Variants in MYO1F observed in about 807,000 individuals in gnomAD.
MYO1F encodes the protein myosin IF.
Under a neutral mutation model 146.6 loss-of-function variants are expected in MYO1F, and 60 were observed. The ratio of observed to expected loss-of-function variants is 0.41; its 90% CI spans 0.33 to 0.51. The LOEUF (loss-of-function observed/expected upper bound fraction) is 0.51, where lower values mean the gene tolerates loss of function less well. Ranked by LOEUF, MYO1F falls within the 20% of genes least tolerant of loss-of-function variation. The pLI is 0.25. For synonymous variants in MYO1F, 602 were observed against 602.1 expected, an observed-to-expected ratio of 1.00 and a Z score of 0.00; for missense variants, 1,274 against 1,534.3, an observed-to-expected ratio of 0.83 and a Z score of 2.83.
rs774610076 is a variant in MYO1F, at chr19:8,527,424, T to C, written c.2388A>G (p.Lys796=). Residue 796 remains lysine (K), a synonymous_variant, in exon 22 of 28, where the codon AAA becomes AAG. Transcript: ENST00000644032. ...GGCCCTTCTCAGGTCCCTTCTTCAC[T>C]TTCTCTCGCCCAATCACATACACAC... The part of the protein sequence containing the change: ...PKCVYVIGRE[K]VKKGPEKGQV... 2 of 1,614,046 alleles carry C rather than the reference T, an allele frequency of 1.2e-6. No homozygotes were observed. The highest frequency in any genetic ancestry group is 1.7e-6 in the Non-Finnish European group (2 of 1,179,994).
intron 1 of MYO1F, among the ~76,000 whole-genome samples, chr19:8,570,378 T>G (rs1416159621): frequency 1.3e-5 from 2 of 151,452 alleles, no homozygotes; most frequent in Non-Finnish European, 2.9e-5. Flanking sequence ...CCACATTTTT[T>G]TTTTTATTTG....
chr19:8,525,241 G>T, intron 25 of MYO1F: 1 of 510,328 alleles, frequency 2.0e-6, no homozygotes, highest in African/African-American at 1.9e-5. Flanking sequence ...TTACAGGGCA[G>T]GAGTGTAGGG....
At chr19:8,525,458 G>T in intron 25 of MYO1F, 21 bp downstream of exon 25, 2 of 1,605,708 alleles carry the variant, frequency 1.2e-6, no homozygotes, top group Non-Finnish European at 1.7e-6. Context: ...AGGGAATATA[G>T]CAAGGGACGC....
intron 1 of MYO1F, among the ~76,000 whole-genome samples, chr19:8,574,769 T>A (rs1555733371): frequency 6.6e-6 from 1 of 150,624 alleles, no homozygotes; most frequent in African/African-American, 2.4e-5. Flanking sequence ...CTTTCTTTTT[T>A]TTTTGAGATG....
intron 1 of MYO1F, among the ~76,000 whole-genome samples, chr19:8,561,445 TTC>T (rs1974116271): frequency 8.8e-6 from 1 of 113,022 alleles, no homozygotes; most frequent in Admixed American, 1.0e-4. Context: ...CCTCCCTTCC[TTC>T]CTCCCTCTCT....
chr19:8,530,683 CCA>C lies in MYO1F; in HGVS notation c.2044-112_2044-111del. 1.9e-5 allele frequency: 16 copies of C among 844,760 alleles called. No homozygotes were observed. In the Middle Eastern group the frequency reaches 2.7e-3, roughly 140 times the overall value. 52.3% of individuals were successfully genotyped at this position (844,760 alleles called of 1,614,324 possible). ...CTCACACGCTTTTGCTCACCCATCC[CCA>C]CACATGTGCTAATTTTTTTAAGAGG... On this transcript the variant is annotated intron_variant, in intron 19 of 27. Coordinates refer to ENST00000644032, the MANE Select transcript of MYO1F (RefSeq NM_012335.4). The surrounding 1 kb of genome is among the most constrained non-coding windows in gnomAD (Gnocchi z 5.8).
intron 12 of MYO1F, among the ~76,000 whole-genome samples, chr19:8,547,536 G>A (rs186530109): frequency 1.8e-4 from 27 of 151,126 alleles, no homozygotes; most frequent in East Asian, 1.6e-3. Context: ...CTCTGGAGGC[G>A]GAGGTTGCAG....
intron 14 of MYO1F, chr19:8,544,077 C>CAAGTCTCT (rs966059274): frequency 4.5e-6 from 2 of 447,190 alleles, no homozygotes; most frequent in Non-Finnish European, 7.9e-6. Context: ...GGTGTCCAGA[C>CAAGTCTCT]AAGTTTGGGG....
At chr19:8,532,456 T>C (rs967303510) in intron 19 of MYO1F, among the ~76,000 whole-genome samples, 3 of 152,124 alleles carry the variant, frequency 2.0e-5, no homozygotes, top group African/African-American at 7.2e-5. Context: ...TGTAAATCTA[T>C]AGTAATAAAA....
chr19:8,548,758 G>T (rs180905554), intron 10 of MYO1F, among the ~76,000 whole-genome samples: 3 of 151,520 alleles, frequency 2.0e-5, no homozygotes, highest in African/African-American at 7.3e-5. Context: ...CTGCCACCAC[G>T]CCCGGCTAAT....
At chr19:8,549,914 C>T in intron 10 of MYO1F, 1 of 587,072 alleles carries the variant, frequency 1.7e-6, no homozygotes, top group Non-Finnish European at 3.1e-6. Flanking sequence ...GATCCCCCAA[C>T]CTCAGCCCTC....
At chr19:8,541,863 T>C (rs1568346592) in intron 15 of MYO1F, 43 bp downstream of exon 15, 1 of 1,551,822 alleles carries the variant, frequency 6.4e-7, no homozygotes, top group African/African-American at 1.4e-5. Context: ...TCCATCCCCT[T>C]GGGGGGTTGT....
chr19:8,522,322 G>A lies in MYO1F; in HGVS notation c.3220+55C>T, dbSNP rs1409419668. On this transcript the variant is annotated intron_variant, in intron 27 of 27. Transcript: ENST00000644032. ...CAGGCGTGAGCCACCGCGCCCGGCC[G>A]ATGTCAGGGTTCTTACCACTCCCCT... 8 of 1,609,578 alleles carry A rather than the reference G, an allele frequency of 5.0e-6. No homozygotes were observed. The Admixed American group carries it at 5.0e-5, about 10-fold the overall frequency.
In MYO1F at chr19:8,525,562, T is replaced by C. The variant is rs1972231594; in HGVS notation, c.2771A>G (p.Lys924Arg). Residue 924 changes from lysine (K) to arginine (R), a missense_variant and splice_region_variant, in exon 25 of 28, where the codon AAG becomes AGG. Lys to Arg is a conservative substitution (Grantham distance 26, BLOSUM62 2). Transcript: ENST00000644032. ...SVGDGLPKSSKPTRKGMAKGK... is the reference protein window; with the variant it reads ...SVGDGLPKSSRPTRKGMAKGK... ...CTTGGCCATTCCCTTCCGCGTAGGC[T>C]CTGAAAGAAGAGTGTCAGGGAGTTG... 1 of 1,612,962 alleles carries C rather than the reference T, an allele frequency of 6.2e-7. No homozygotes were observed. Among genetic ancestry groups the C allele is most frequent in the Non-Finnish European group, 8.5e-7 (1 of 1,179,716 alleles).
chr19:8,553,162 G>T lies in MYO1F; in HGVS notation c.481C>A (p.Arg161Ser). Residue 161 changes from arginine (R) to serine (S), a missense_variant, in exon 6 of 28, where the codon CGC becomes AGC. Physicochemically the swap from Arg to Ser is moderately radical, Grantham distance 110. This residue lies in a region of MYO1F where 900 missense variants were observed against 1,155.1 expected (regional missense o/e 0.78). Coordinates refer to ENST00000644032, the MANE Select transcript of MYO1F (RefSeq NM_012335.4). ...ACAAAGCGGCTGGAATTGTTGTTGC[G>T]CACAGTCTTGGCGTTGCCGAAGGCC... ...LEAFGNAKTV[R>S]NNNSSRFGKY... 1 of 1,614,148 alleles carries T rather than the reference G, an allele frequency of 6.2e-7. No individual in the cohort carries two copies. The highest frequency in any genetic ancestry group is 8.5e-7 in the Non-Finnish European group (1 of 1,180,030).
intron 22 of MYO1F, 58 bp from the exon 23 acceptor site, chr19:8,526,993 GAGAC>G: frequency 6.2e-7 from 1 of 1,601,204 alleles, no homozygotes; most frequent in Non-Finnish European, 8.5e-7. Context: ...ACAGGTGAGA[GAGAC>G]AGATGAAGGT....
chr19:8,540,159 G>A, intron 15 of MYO1F, 131 bp from the exon 16 acceptor site: 1 of 675,634 alleles, frequency 1.5e-6, no homozygotes, highest in Non-Finnish European at 2.5e-6. Flanking sequence ...GAGCTGTGAT[G>A]GGTGAGATGC....
At chr19:8,554,380 T>G in intron 4 of MYO1F, 97 bp downstream of exon 4, 1 of 973,808 alleles carries the variant, frequency 1.0e-6, no homozygotes, top group Non-Finnish European at 1.7e-6. Flanking sequence ...CAGGGCAATG[T>G]TCAGATTGGG....
intron 1 of MYO1F, among the ~76,000 whole-genome samples, chr19:8,567,811 G>T (rs556679736): frequency 3.9e-5 from 6 of 152,336 alleles, no homozygotes; most frequent in South Asian, 2.1e-4. Context: ...TTGCTGCTGA[G>T]GTCAGATGAG....
Sources: allele counts gnomAD v4.1 joint callset (sites outside exome capture counted in the v4.1 genomes callset), GRCh38; gene constraint gnomAD v4.1.1; regional missense constraint gnomAD v4.1.1; non-coding constraint Gnocchi (gnomAD v3.1); transcripts MANE v1.5; gene names NCBI Gene and HGNC (gene_info 2026-07-23, HGNC 2026-07-21).